KLF12: variants seen among roughly 807,000 people sequenced by gnomAD.
KLF12 encodes the protein KLF transcription factor 12.
In KLF12, 9 loss-of-function variants were observed where a neutral mutation model predicts 37.8. That is an observed-to-expected ratio of 0.24 (90% CI 0.14 to 0.42). The LOEUF (loss-of-function observed/expected upper bound fraction) is 0.42, where lower values mean the gene tolerates loss of function less well. Ranked by LOEUF, KLF12 falls within the 10% of genes least tolerant of loss-of-function variation. The probability of loss-of-function intolerance (pLI) is 1.00; values close to 1 mark genes in which losing one functional copy is unlikely to be tolerated. For missense variants in KLF12, 411 were observed against 516.0 expected, an observed-to-expected ratio of 0.80 and a Z score of 1.97; for synonymous variants, 208 against 202.1, an observed-to-expected ratio of 1.03 and a Z score of -0.25.
chr13:73,851,240 T>C (rs1215333018), intron 3 of KLF12, among the ~76,000 whole-genome samples: 1 of 152,200 alleles, frequency 6.6e-6, no homozygotes. Flanking sequence ...CAGGAGGAAC[T>C]TGACTCACTG....
intron 3 of KLF12, among the ~76,000 whole-genome samples, chr13:73,912,755 C>G (rs184215287): frequency 6.6e-6 from 1 of 152,326 alleles, no homozygotes; most frequent in Admixed American, 6.5e-5. Context: ...GAAGCTTATA[C>G]ATAGGCTAAC....
chr13:73,862,995 C>T (rs1886004157), intron 3 of KLF12, among the ~76,000 whole-genome samples: 1 of 152,120 alleles, frequency 6.6e-6, no homozygotes, highest in Non-Finnish European at 1.5e-5. Context: ...TACTCATAGA[C>T]AGGATCACAG....
intron 1 of KLF12, among the ~76,000 whole-genome samples, chr13:74,088,799 G>A (rs1356642262): frequency 6.6e-6 from 1 of 152,162 alleles, no homozygotes; most frequent in Non-Finnish European, 1.5e-5. Context: ...GGGCTTTCAT[G>A]ATGACCAGAT....
chr13:73,790,248 T>C lies in KLF12; in HGVS notation c.806+22904A>G, dbSNP rs1881608977. ...AATGTCTATGTCTGACTTTTATAGC[T>C]AATCCTTAACTTACAAATGATGTTT... On this transcript the variant is annotated intron_variant, in intron 5 of 7. Transcript: ENST00000377669. Among the ~76,000 whole-genome samples, 4 of 152,356 alleles carry C rather than the reference T, an allele frequency of 2.6e-5. No individual in the cohort carries two copies. The South Asian group carries it at 8.3e-4, about 32-fold the overall frequency.
At chr13:74,235,356 T>C in the KLF12 span, among the ~76,000 whole-genome samples, 5 of 152,250 alleles carry the variant, frequency 3.3e-5, no homozygotes, top group African/African-American at 1.2e-4. Context: ...TTATTCTGTA[T>C]AGCAAGTATT....
Position 73,745,014 on chromosome 13 carries a change from CTAATG to C in KLF12, c.869+19919_869+19923del, listed in dbSNP as rs1472328851. On this transcript the variant is annotated intron_variant, in intron 6 of 7. Transcript: ENST00000377669. ...GCTGCACTCTTTAGACCAAGGCCTG[CTAATG>C]TAATCAGTCACTTTTATGAGTACCT... Among the ~76,000 whole-genome samples, 4 of 152,156 alleles carry C rather than the reference CTAATG, an allele frequency of 2.6e-5. No individual in the cohort carries two copies. In the South Asian group the frequency reaches 8.3e-4, roughly 32 times the overall value.
chr13:73,793,881 T>C (rs549011110), intron 5 of KLF12, among the ~76,000 whole-genome samples: 2 of 152,152 alleles, frequency 1.3e-5, no homozygotes, highest in Non-Finnish European at 2.9e-5. Context: ...ACAAACCACA[T>C]GACCAAATGA....
At chr13:74,220,693 C>A in the KLF12 span, among the ~76,000 whole-genome samples, 1 of 152,178 alleles carries the variant, frequency 6.6e-6, no homozygotes, top group Non-Finnish European at 1.5e-5. Context: ...AACCCTAGCC[C>A]TTGGCAACCA....
chr13:73,817,148 C>A (rs1405153333), intron 4 of KLF12, among the ~76,000 whole-genome samples: 1 of 151,820 alleles, frequency 6.6e-6, no homozygotes, highest in Non-Finnish European at 1.5e-5. Flanking sequence ...GAGACCCAAC[C>A]TCTACAAGAA....
At chr13:74,139,561 TAGA>T in the KLF12 span, among the ~76,000 whole-genome samples, 1 of 152,206 alleles carries the variant, frequency 6.6e-6, no homozygotes, top group Non-Finnish European at 1.5e-5. Flanking sequence ...TTCTTCTAAG[TAGA>T]AGTTTTTATA....
At chr13:74,261,696 A>G in the KLF12 span, among the ~76,000 whole-genome samples, 1 of 152,212 alleles carries the variant, frequency 6.6e-6, no homozygotes. Flanking sequence ...TGTATACACA[A>G]ATATTAATAA....
intron 7 of KLF12, among the ~76,000 whole-genome samples, chr13:73,704,530 C>T (rs1020906715): frequency 6.6e-6 from 1 of 152,114 alleles, no homozygotes. Flanking sequence ...CCAGTTTATC[C>T]CCACAGTGGT....
At chr13:74,033,365 C>T (rs1332953201) in intron 1 of KLF12, among the ~76,000 whole-genome samples, 1 of 152,220 alleles carries the variant, frequency 6.6e-6, no homozygotes, top group East Asian at 1.9e-4. Context: ...TGGCTCCACA[C>T]TTCCAACTGG....
intron 6 of KLF12, among the ~76,000 whole-genome samples, chr13:73,747,836 C>T (rs1260326705): frequency 6.8e-6 from 1 of 147,744 alleles, no homozygotes; most frequent in African/African-American, 2.5e-5. Context: ...TTATTGATCC[C>T]TACTCTATTC....
the KLF12 span, among the ~76,000 whole-genome samples, chr13:74,139,293 A>G: frequency 6.6e-6 from 1 of 152,164 alleles, no homozygotes; most frequent in Non-Finnish European, 1.5e-5. Context: ...CCCTCTCAGA[A>G]CAAGAGCTGT....
At chr13:74,180,128 T>C in the KLF12 span, among the ~76,000 whole-genome samples, 2 of 152,214 alleles carry the variant, frequency 1.3e-5, no homozygotes, top group Admixed American at 1.3e-4. Flanking sequence ...GGAGCTATCG[T>C]GCAATGCATA....
the KLF12 span, among the ~76,000 whole-genome samples, chr13:74,146,458 A>G: frequency 6.6e-6 from 1 of 152,210 alleles, no homozygotes; most frequent in Non-Finnish European, 1.5e-5. Context: ...CAAAGCTTGA[A>G]AAAACTCTAC....
chr13:73,751,103 T>C (rs901500158), intron 6 of KLF12, among the ~76,000 whole-genome samples: 2 of 152,160 alleles, frequency 1.3e-5, no homozygotes, highest in African/African-American at 2.4e-5. Context: ...TAGAATTCCA[T>C]GGTGTATATG....
the KLF12 span, among the ~76,000 whole-genome samples, chr13:74,183,739 C>T: frequency 7.2e-5 from 11 of 151,998 alleles, no homozygotes; most frequent in Non-Finnish European, 1.6e-4. Flanking sequence ...AGTTAGAGAC[C>T]AGCCTGGCCA....
Sources: gnomAD v4.1 joint callset for allele counts (sites outside exome capture counted in the v4.1 genomes callset) on GRCh38, gnomAD v4.1.1 for gene constraint, MANE v1.5 for transcripts, NCBI Gene and HGNC (gene_info 2026-07-23, HGNC 2026-07-21) for gene names.